Variants in GREB1L observed in about 807,000 individuals in gnomAD.
GREB1L encodes the protein GREB1 like retinoic acid receptor coactivator, also known as GREB1-like protein.
Under a neutral mutation model 200.8 loss-of-function variants are expected in GREB1L, and 17 were observed. That is an observed-to-expected ratio of 0.08 (90% CI 0.06 to 0.13). The LOEUF is 0.13. Ranked by LOEUF, GREB1L falls within the 10% of genes least tolerant of loss-of-function variation. The probability of loss-of-function intolerance (pLI) is 1.00; values close to 1 mark genes in which losing one functional copy is unlikely to be tolerated. For synonymous variants in GREB1L, 789 were observed against 893.0 expected (o/e 0.88, Z 2.08); for missense variants, 1,657 against 2,367.7 (o/e 0.70, Z 6.23).
chr18:21,281,261 A>G (rs1347855040), intron 1 of GREB1L, among the ~76,000 whole-genome samples: 1 of 152,204 alleles, frequency 6.6e-6, no homozygotes, highest in African/African-American at 2.4e-5. Context: ...GTGTAAAACT[A>G]GTTGTTTCTA....
intron 1 of GREB1L, among the ~76,000 whole-genome samples, chr18:21,258,839 T>C (rs1264520370): frequency 6.6e-6 from 1 of 152,204 alleles, no homozygotes; most frequent in Non-Finnish European, 1.5e-5. Context: ...ATATGGGCTT[T>C]AAATTTGCCA....
At chr18:21,431,350 A>G (rs757514858) in intron 7 of GREB1L, among the ~76,000 whole-genome samples, 6 of 152,144 alleles carry the variant, frequency 3.9e-5, no homozygotes, top group Non-Finnish European at 5.9e-5. Flanking sequence ...TTAAAGTTGT[A>G]TACAATTTCC....
At chr18:21,267,947 TGGTGAAGTGA>T (rs2037999157) in intron 1 of GREB1L, among the ~76,000 whole-genome samples, 2 of 151,960 alleles carry the variant, frequency 1.3e-5, no homozygotes, top group Non-Finnish European at 2.9e-5. Flanking sequence ...CACAGTAGAA[TGGTGAAGTGA>T]GGAGATTTCC....
In GREB1L at chr18:21,359,863, C is replaced by T. The variant is rs1459426204; in HGVS notation, c.-119-6164C>T. On this transcript the variant is annotated intron_variant, in intron 1 of 32. Transcript: ENST00000424526. ...AAATTTGTTTTCTTGAATATTGTTACTAATGCCAGTTTAGATATTTGTGTC... is the reference window on the plus strand; with the variant it reads ...AAATTTGTTTTCTTGAATATTGTTATTAATGCCAGTTTAGATATTTGTGTC... 2.6e-5 allele frequency among the ~76,000 whole-genome samples: 4 copies of T among 152,128 alleles called. No individual in the cohort carries two copies. The South Asian group carries it at 6.2e-4, about 24-fold the overall frequency.
intron 18 of GREB1L, among the ~76,000 whole-genome samples, chr18:21,486,269 G>C (rs2036124209): frequency 6.6e-6 from 1 of 151,852 alleles, no homozygotes; most frequent in African/African-American, 2.4e-5. Context: ...CAGGAGAATG[G>C]TGTGAACCCG....
intron 25 of GREB1L, among the ~76,000 whole-genome samples, 160 bp from the exon 26 acceptor site, chr18:21,507,958 C>T (rs2037083026): frequency 6.6e-6 from 1 of 152,176 alleles, no homozygotes; most frequent in Non-Finnish European, 1.5e-5. Flanking sequence ...AAGTGTTTGC[C>T]TTATCAACCT....
intron 1 of GREB1L, among the ~76,000 whole-genome samples, chr18:21,358,239 T>C (rs1420137082): frequency 1.3e-5 from 2 of 152,150 alleles, no homozygotes; most frequent in Non-Finnish European, 2.9e-5. Context: ...TCCATTTCTT[T>C]TTTGGATAAT....
At chr18:21,484,646 G>A (rs1370056726) in intron 17 of GREB1L, among the ~76,000 whole-genome samples, 3 of 152,010 alleles carry the variant, frequency 2.0e-5, no homozygotes, top group Non-Finnish European at 2.9e-5. Flanking sequence ...GCGAAACCCC[G>A]TCTCTCCTAA....
At chr18:21,382,206 A>G (rs1409591510) in intron 2 of GREB1L, among the ~76,000 whole-genome samples, 1 of 151,900 alleles carries the variant, frequency 6.6e-6, no homozygotes, top group Non-Finnish European at 1.5e-5. Context: ...TTAGCCTGGT[A>G]TGGTGCTGTG....
intron 7 of GREB1L, among the ~76,000 whole-genome samples, chr18:21,415,569 AAGG>A (rs2031547043): frequency 1.3e-5 from 2 of 152,088 alleles, no homozygotes; most frequent in African/African-American, 4.8e-5. Flanking sequence ...AATGGGAAGG[AAGG>A]AGAAGGAAAA....
intron 17 of GREB1L, among the ~76,000 whole-genome samples, chr18:21,482,659 T>TTC (rs2035967660): frequency 1.3e-5 from 2 of 150,148 alleles, no homozygotes; most frequent in Non-Finnish European, 3.0e-5. Flanking sequence ...TTTTTTTTTT[T>TTC]TTTTTTACAA....
intron 14 of GREB1L, among the ~76,000 whole-genome samples, chr18:21,453,147 G>T (rs547536574): frequency 6.6e-6 from 1 of 152,144 alleles, no homozygotes; most frequent in Non-Finnish European, 1.5e-5. Context: ...TACATTCTTG[G>T]TTCCCTGTTT....
chr18:21,466,520 C>CA (rs1455052879), intron 15 of GREB1L, among the ~76,000 whole-genome samples: 1 of 151,588 alleles, frequency 6.6e-6, no homozygotes, highest in African/African-American at 2.4e-5. Flanking sequence ...CAAGAATATC[C>CA]AAAAAATACA....
In GREB1L at chr18:21,518,270, A is replaced by C. The variant is rs1280968039; in HGVS notation, c.5472+36A>C. 5 of 1,520,460 alleles carry C rather than the reference A, an allele frequency of 3.3e-6. No individual in the cohort carries two copies. In the South Asian group the frequency reaches 4.9e-5, roughly 15 times the overall value. The allele number at this position is 1,520,460 out of a possible 1,614,324, so 94.2% of individuals were successfully genotyped here. A position where few individuals can be genotyped will look rare whatever the true frequency, so the allele number is the denominator to read the frequency against. On this transcript the variant is annotated intron_variant, in intron 31 of 32. Transcript: ENST00000424526. ...TGTGGGGGATACTGTGCTTACCTAC[A>C]TCCATCCATTTCTTTCTCATTTTAG...
intron 7 of GREB1L, among the ~76,000 whole-genome samples, chr18:21,409,096 G>A (rs769841253): frequency 4.6e-5 from 7 of 152,098 alleles, no homozygotes; most frequent in Non-Finnish European, 8.8e-5. Context: ...ATCATTATTC[G>A]TTATAACAAA....
intron 2 of GREB1L, among the ~76,000 whole-genome samples, chr18:21,379,560 T>C (rs2040220298): frequency 6.6e-6 from 1 of 152,164 alleles, no homozygotes; most frequent in African/African-American, 2.4e-5. Flanking sequence ...GGTAATAGAT[T>C]AAGAGGCAGC....
At chr18:21,452,556 AGTCAGAC>A in intron 14 of GREB1L, 1 of 213,634 alleles carries the variant, frequency 4.7e-6, no homozygotes. Flanking sequence ...CGTCTGAAAG[AGTCAGAC>A]TACAGGCAGT....
In GREB1L at chr18:21,525,620, T is replaced by C. The variant is rs1221476038; in HGVS notation, c.*2799T>C. The stretch of plus-strand genomic sequence containing the variant: ...AACTACACTCACTTTGATGTCCTTC[T>C]GGAAACAGAACAACTTTGGGTTGCT... On this transcript the variant is annotated 3_prime_UTR_variant, in exon 33 of 33. Transcript: ENST00000424526. 6.6e-6 allele frequency among the ~76,000 whole-genome samples: 1 copy of C among 152,244 alleles called. No individual in the cohort carries two copies. Among genetic ancestry groups the C allele is most frequent in the Non-Finnish European group, 1.5e-5 (1 of 68,046 alleles).
chr18:21,517,450 C>A (rs1460285835), intron 30 of GREB1L, among the ~76,000 whole-genome samples: 1 of 152,086 alleles, frequency 6.6e-6, no homozygotes, highest in Non-Finnish European at 1.5e-5. Flanking sequence ...CCTCTGCCTC[C>A]CGGGTTCAAG....
Sources: allele counts gnomAD v4.1 joint callset (sites outside exome capture counted in the v4.1 genomes callset), GRCh38; gene constraint gnomAD v4.1.1; transcripts MANE v1.5; gene names NCBI Gene and HGNC (gene_info 2026-07-23, HGNC 2026-07-21).